Variants in RAB8A observed in about 807,000 individuals in gnomAD.
RAB8A encodes ras-related protein Rab-8A.
Under a neutral mutation model 29.2 loss-of-function variants are expected in RAB8A, and 5 were observed. That is an observed-to-expected ratio of 0.17 (90% CI 0.09 to 0.36). The LOEUF (loss-of-function observed/expected upper bound fraction) is 0.36. Ranked by LOEUF, RAB8A falls within the 10% of genes least tolerant of loss-of-function variation. The pLI is 1.00. For synonymous variants in RAB8A, 108 were observed against 99.9 expected, an observed-to-expected ratio of 1.08 and a Z score of -0.49; for missense variants, 171 against 272.2, an observed-to-expected ratio of 0.63 and a Z score of 2.62.
chr19:16,121,984 A>G, intron 3 of RAB8A, 174 bp downstream of exon 3: 1 of 584,190 alleles, frequency 1.7e-6, no homozygotes, highest in Non-Finnish European at 3.1e-6. Flanking sequence ...GCCTACCCCC[A>G]TGTACATACC....
At chr19:16,130,356 G>A (rs569637479) in intron 7 of RAB8A, among the ~76,000 whole-genome samples, 12 of 152,148 alleles carry the variant, frequency 7.9e-5, no homozygotes, top group African/African-American at 1.7e-4. Flanking sequence ...AGGAGCACAC[G>A]GCGCTCTATT....
chr19:16,116,358 A>C (rs2090845651), intron 1 of RAB8A, among the ~76,000 whole-genome samples: 1 of 152,174 alleles, frequency 6.6e-6, no homozygotes, highest in Non-Finnish European at 1.5e-5. Flanking sequence ...ATTCGAGGGA[A>C]GTGGGGCAGG....
Position 16,128,082 on chromosome 19 carries a change from T to C in RAB8A, c.471T>C (p.Asn157=), listed in dbSNP as rs147629164. 534 of 1,613,974 alleles carry C rather than the reference T, an allele frequency of 3.3e-4. 1 individual carries two copies. In the African/African-American group the frequency reaches 5.4e-3, roughly 16 times the overall value. Residue 157 remains asparagine, a synonymous_variant, in exon 6 of 8, where the codon AAT becomes AAC. Transcript: ENST00000300935. ...AGACCAGCGCGAAGGCCAACATCAA[T>C]GTGGAAAATGTGAGTCCCGGGCCCT... ...FMETSAKANI[N]VENAFFTLAR...
intron 1 of RAB8A, among the ~76,000 whole-genome samples, chr19:16,112,956 A>G (rs2090830860): frequency 6.6e-6 from 1 of 152,170 alleles, no homozygotes; most frequent in Admixed American, 6.5e-5. Context: ...CTCAGCGAGA[A>G]ACTAAATCAG....
Position 16,132,079 on chromosome 19 carries a change from TG to T in RAB8A, c.532-131del. 1.5e-6 allele frequency: 1 copy of T among 685,628 alleles called. No individual in the cohort carries two copies. The highest frequency in any genetic ancestry group is 2.5e-6 in the Non-Finnish European group (1 of 393,630). 42.5% of individuals were successfully genotyped at this position (685,628 alleles called of 1,614,324 possible). A position where few individuals can be genotyped will look rare whatever the true frequency, so the allele number is the denominator to read the frequency against. ...GGCTGGTTTGATTGGTTTGGTTGTT[TG>T]GTTGGTTGGTTGGTTGGTTGGTTGG... On this transcript the variant is annotated intron_variant, in intron 7 of 7. Transcript: ENST00000300935. This position sits in a 1 kb window ranked among gnomAD's most constrained non-coding sequence, Gnocchi z 5.6.
intron 1 of RAB8A, among the ~76,000 whole-genome samples, chr19:16,114,557 T>C (rs2090838560): frequency 1.3e-5 from 2 of 149,422 alleles, no homozygotes; most frequent in Admixed American, 6.7e-5. Context: ...TTGTATTTTT[T>C]TTTTTTTTTT....
chr19:16,129,871 A>C (rs951411918), intron 7 of RAB8A, among the ~76,000 whole-genome samples: 3 of 151,776 alleles, frequency 2.0e-5, no homozygotes, highest in African/African-American at 7.3e-5. Flanking sequence ...TTTCCATTCC[A>C]CTCAAGGGCC....
At chr19:16,128,115 G>A (rs768909568) in intron 6 of RAB8A, 24 bp downstream of exon 6, 1 of 1,610,420 alleles carries the variant, frequency 6.2e-7, no homozygotes, top group Non-Finnish European at 8.5e-7. Context: ...CCTGCTGGGA[G>A]ACATGGGGCC....
Position 16,121,801 on chromosome 19 carries a change from G to A in RAB8A, c.237G>A (p.Arg79=). ...GGACGATCACAACGGCCTACTACAG[G>A]GGTGCAATGGTAGGGACTTTTTGTT... ...RFRTITTAYY[R]GAMGIMLVYD... Residue 79 remains arginine, a synonymous_variant, in exon 3 of 8, where the codon AGG becomes AGA. Transcript: ENST00000300935. 1 of 1,613,800 alleles carries A rather than the reference G, an allele frequency of 6.2e-7. No individual in the cohort carries two copies. Among genetic ancestry groups the A allele is most frequent in the Admixed American group, 1.7e-5 (1 of 60,010 alleles).
At chr19:16,116,430 C>T (rs2090845938) in intron 1 of RAB8A, among the ~76,000 whole-genome samples, 1 of 152,200 alleles carries the variant, frequency 6.6e-6, no homozygotes, top group Non-Finnish European at 1.5e-5. Flanking sequence ...GCATACAGTT[C>T]ACCCATTTGC....
chr19:16,114,273 A>G (rs1253367170), intron 1 of RAB8A, among the ~76,000 whole-genome samples: 1 of 151,988 alleles, frequency 6.6e-6, no homozygotes, highest in Non-Finnish European at 1.5e-5. Context: ...GTCTTAAAAA[A>G]TAATAATAAA....
chr19:16,122,146 C>T lies in RAB8A; in HGVS notation c.246+336C>T. Reference sequence around the variant, plus strand: ...CCGACTTTTAGGAGCTGTCACATGACCTGCATCTGTCTCTGAAATTTGCTA... The same window carrying T: ...CCGACTTTTAGGAGCTGTCACATGATCTGCATCTGTCTCTGAAATTTGCTA... On this transcript the variant is annotated intron_variant, in intron 3 of 7. Transcript: ENST00000300935. This position sits in a 1 kb window ranked among gnomAD's most constrained non-coding sequence, Gnocchi z 4.7. The T allele has an allele frequency of 4.2e-6, 1 of 236,572 alleles. No homozygotes were observed. The highest frequency in any genetic ancestry group is 8.3e-6 in the Non-Finnish European group (1 of 120,256). The allele number at this position is 236,572 out of a possible 1,614,324, so 14.7% of individuals were successfully genotyped here. A position where few individuals can be genotyped will look rare whatever the true frequency, so the allele number is the denominator to read the frequency against.
rs141208019 is a variant in RAB8A at position 16,127,493 on chromosome 19, C to T, written c.381C>T (p.Asp127=). ...MILGNKCDVN[D]KRQVSKERGE... ...TCGGGAACAAGTGTGATGTGAATGA[C>T]AAGAGACAAGTTTCCAAGGAACGGG... Residue 127 remains aspartate (D), a synonymous_variant, in exon 5 of 8, where the codon GAC becomes GAT. Transcript: ENST00000300935. The surrounding 1 kb of genome is among the most constrained non-coding windows in gnomAD (Gnocchi z 4.8). The T allele has an allele frequency of 1.0e-5, 16 of 1,541,528 alleles. No homozygotes were observed. The African/African-American group carries it at 1.8e-4, about 17-fold the overall frequency.
chr19:16,132,306 G>A lies in RAB8A; in HGVS notation c.*2G>A, dbSNP rs2144999540. The A allele has an allele frequency of 8.1e-6, 13 of 1,613,630 alleles. No individual in the cohort carries two copies. The highest frequency in any genetic ancestry group is 1.1e-5 in the Non-Finnish European group (13 of 1,179,836). On this transcript the variant is annotated 3_prime_UTR_variant, in exon 8 of 8. Transcript: ENST00000300935. This position sits in a 1 kb window ranked among gnomAD's most constrained non-coding sequence, Gnocchi z 5.6. ...TTTTTCCGATGTGTTCTTCTGTGAG[G>A]AACACCGCCTTACTCTGAGCCTCGC...
At chr19:16,123,763 C>T (rs972605173) in intron 3 of RAB8A, 1 of 152,148 alleles carries the variant, frequency 6.6e-6, no homozygotes, top group Non-Finnish European at 1.5e-5. Flanking sequence ...TCTCTGTCAG[C>T]ATGCTCATAG....
At chr19:16,120,313 A>ATT (rs546591257) in intron 2 of RAB8A, among the ~76,000 whole-genome samples, 57,181 of 130,276 alleles carry the variant, frequency 0.44, 12,902 homozygotes, top group Admixed American at 0.54. Context: ...GTCACCTTTA[A>ATT]TTTTTTTTTT....
intron 2 of RAB8A, 81 bp downstream of exon 2, chr19:16,118,367 T>C: frequency 7.6e-7 from 1 of 1,316,818 alleles, no homozygotes; most frequent in Non-Finnish European, 1.1e-6. Context: ...CCCTCCACCG[T>C]CCCTGTGACC....
chr19:16,125,005 GGGCT>G lies in RAB8A; in HGVS notation c.247-464_247-461del. The G allele has an allele frequency of 1.1e-5, 2 of 183,028 alleles. No individual in the cohort carries two copies. Among genetic ancestry groups the G allele is most frequent in the East Asian group, 1.4e-4 (1 of 7,366 alleles). 11.3% of individuals were successfully genotyped at this position (183,028 alleles called of 1,614,324 possible). ...TGTGGATGTCGGGTCAGGACTTCCT[GGGCT>G]CAGTTGTGCCTGGTAGGTGGCTCAG... On this transcript the variant is annotated intron_variant, in intron 3 of 7. Transcript: ENST00000300935. The surrounding 1 kb of genome is among the most constrained non-coding windows in gnomAD (Gnocchi z 5.0).
chr19:16,115,792 A>G (rs903183230), intron 1 of RAB8A, among the ~76,000 whole-genome samples: 1 of 152,166 alleles, frequency 6.6e-6, no homozygotes, highest in Non-Finnish European at 1.5e-5. Flanking sequence ...GCAGTGGATG[A>G]GACTTGTCAG....
Sources: gnomAD v4.1 joint callset for allele counts (sites outside exome capture counted in the v4.1 genomes callset) on GRCh38, gnomAD v4.1.1 for gene constraint, Gnocchi (gnomAD v3.1) non-coding constraint, MANE v1.5 for transcripts, NCBI Gene and HGNC (gene_info 2026-07-23, HGNC 2026-07-21) for gene names.